The following CHSY3 variants were observed in gnomAD, a reference collection of about 807,000 sequenced individuals.
CHSY3 encodes the protein N-acetylgalactosaminyl-proteoglycan 3-beta-glucuronosyltransferase 3.
CHSY3 carries 35 observed loss-of-function variants against 67.2 expected under a neutral mutation model. That is an observed-to-expected ratio of 0.52 (90% CI 0.40 to 0.69). The LOEUF (loss-of-function observed/expected upper bound fraction) is 0.69. CHSY3 is among the 30% of genes least tolerant of loss of function. The pLI, the probability that CHSY3 is intolerant of heterozygous loss-of-function variation, is 0.00. For missense variants in CHSY3, 1,069 were observed against 1,138.5 expected (o/e 0.94, Z 0.88); for synonymous variants, 474 against 434.7 (o/e 1.09, Z -1.12).
chr5:130,030,350 A>G (rs1764671737), intron 2 of CHSY3, among the ~76,000 whole-genome samples: 1 of 152,122 alleles, frequency 6.6e-6, no homozygotes, highest in East Asian at 1.9e-4. Context: ...CCTTTATCCT[A>G]TGTCAGAGAT....
At chr5:129,942,360 A>G (rs2149595543) in intron 2 of CHSY3, among the ~76,000 whole-genome samples, 1 of 152,312 alleles carries the variant, frequency 6.6e-6, no homozygotes, top group African/African-American at 2.4e-5. Flanking sequence ...ATTTTCTTAT[A>G]AATGTTGATC....
At chr5:130,001,961 C>T in intron 2 of CHSY3, 2 of 831,066 alleles carry the variant, frequency 2.4e-6, no homozygotes, top group Non-Finnish European at 2.9e-6. Context: ...TCAGCCAATC[C>T]TTATATTGGC....
chr5:130,164,013 T>G (rs1769647078), intron 2 of CHSY3, among the ~76,000 whole-genome samples: 1 of 152,178 alleles, frequency 6.6e-6, no homozygotes, highest in Non-Finnish European at 1.5e-5. Context: ...TGACAGAATT[T>G]TCTCTTCAAG....
At chr5:129,986,054 A>G (rs548165798) in intron 2 of CHSY3, among the ~76,000 whole-genome samples, 1 of 152,226 alleles carries the variant, frequency 6.6e-6, no homozygotes, top group South Asian at 2.1e-4. Flanking sequence ...CTAGACTTCC[A>G]GTACTATGTT....
chr5:129,982,192 C>G (rs1402019803), intron 2 of CHSY3, among the ~76,000 whole-genome samples: 1 of 151,856 alleles, frequency 6.6e-6, no homozygotes, highest in African/African-American at 2.4e-5. Context: ...AATAAATATA[C>G]TATTCATTTA....
intron 2 of CHSY3, among the ~76,000 whole-genome samples, chr5:130,149,091 C>T (rs1224232442): frequency 6.6e-6 from 1 of 152,104 alleles, no homozygotes; most frequent in African/African-American, 2.4e-5. Context: ...AGGAAGTGGT[C>T]CAGTTTCAAT....
chr5:130,116,435 A>G (rs926622866), intron 2 of CHSY3, among the ~76,000 whole-genome samples: 2 of 152,192 alleles, frequency 1.3e-5, no homozygotes, highest in African/African-American at 4.8e-5. Flanking sequence ...TTCTTTTCCT[A>G]TGGACTATAC....
At chr5:130,026,020 GT>G (rs1764531686) in intron 2 of CHSY3, among the ~76,000 whole-genome samples, 2 of 152,112 alleles carry the variant, frequency 1.3e-5, no homozygotes, top group South Asian at 4.1e-4. Context: ...AGAGATTCTG[GT>G]GACTCTAAGG....
chr5:129,947,665 G>A (rs146962925), intron 2 of CHSY3, among the ~76,000 whole-genome samples: 26 of 151,818 alleles, frequency 1.7e-4, no homozygotes, highest in African/African-American at 6.3e-4. Flanking sequence ...AGATTTGGGT[G>A]GGGGCACAGC....
At chr5:129,923,730 A>G (rs1761001172) in intron 2 of CHSY3, among the ~76,000 whole-genome samples, 1 of 152,208 alleles carries the variant, frequency 6.6e-6, no homozygotes. Context: ...GGGAAACTAG[A>G]ATTGAAGAAG....
chr5:130,025,722 C>G (rs1315024121), intron 2 of CHSY3, among the ~76,000 whole-genome samples: 2 of 152,002 alleles, frequency 1.3e-5, no homozygotes, highest in African/African-American at 2.4e-5. Flanking sequence ...GGCCAGGGAA[C>G]TCCCTGGGAT....
At chr5:130,143,734 G>GTGTATATATATATATA (rs1223966105) in intron 2 of CHSY3, among the ~76,000 whole-genome samples, 1,042 of 94,626 alleles carry the variant, frequency 0.011, 19 homozygotes, top group Admixed American at 0.015. Context: ...GTGTGTGTGT[G>GTGTATATATATATATA]TATATATATA....
chr5:130,038,786 T>C (rs1338773581), intron 2 of CHSY3, among the ~76,000 whole-genome samples: 1 of 152,072 alleles, frequency 6.6e-6, no homozygotes, highest in African/African-American at 2.4e-5. Flanking sequence ...AATATGTGTA[T>C]TTTTATTGTT....
At chr5:130,093,950 T>C (rs12719411) in intron 2 of CHSY3, among the ~76,000 whole-genome samples, 69,956 of 151,814 alleles carry the variant, frequency 0.46, 16,487 homozygotes, top group African/African-American at 0.55. Context: ...TGATCACTTG[T>C]CTTCCATCCC....
At chr5:129,986,242 G>T (rs1763197673) in intron 2 of CHSY3, among the ~76,000 whole-genome samples, 1 of 152,192 alleles carries the variant, frequency 6.6e-6, no homozygotes. Context: ...ATGAAGGGAT[G>T]TTGAATTTTA....
rs961440919 is a variant in CHSY3, at chr5:130,069,286, C to T, written c.1087-114943C>T. Among the ~76,000 whole-genome samples, 4 of 151,942 alleles carry T rather than the reference C, an allele frequency of 2.6e-5. No individual in the cohort carries two copies. In the South Asian group the frequency reaches 8.3e-4, roughly 31 times the overall value. ...ACAGAAAATTACTGTGAATATTGATCTATGACCAATAAAATGAGCAGAAAT... is the reference window on the plus strand; with the variant it reads ...ACAGAAAATTACTGTGAATATTGATTTATGACCAATAAAATGAGCAGAAAT... On this transcript the variant is annotated intron_variant, in intron 2 of 2. Transcript: ENST00000305031.
At chr5:130,145,353 G>A (rs187724123) in intron 2 of CHSY3, among the ~76,000 whole-genome samples, 2 of 152,160 alleles carry the variant, frequency 1.3e-5, no homozygotes, top group Admixed American at 1.3e-4. Context: ...GGAAGAGATA[G>A]TATCTTCAAT....
intron 2 of CHSY3, among the ~76,000 whole-genome samples, chr5:129,909,098 C>T (rs887691295): frequency 2.0e-5 from 3 of 151,882 alleles, no homozygotes; most frequent in Admixed American, 6.6e-5. Context: ...TATTTATTGC[C>T]GTGATCATTT....
At chr5:129,986,559 T>A (rs1381366280) in intron 2 of CHSY3, among the ~76,000 whole-genome samples, 2 of 152,154 alleles carry the variant, frequency 1.3e-5, no homozygotes, top group African/African-American at 4.8e-5. Context: ...TAGGGAGGAA[T>A]CCCTAAATCA....
Sources: gnomAD v4.1 joint callset for allele counts (sites outside exome capture counted in the v4.1 genomes callset) on GRCh38, gnomAD v4.1.1 for gene constraint, MANE v1.5 for transcripts, NCBI Gene and HGNC (gene_info 2026-07-23, HGNC 2026-07-21) for gene names.